The following TBC1D1 variants were observed in gnomAD, a reference collection of about 807,000 sequenced individuals.
The protein encoded by TBC1D1 is TBC1 domain family member 1.
In TBC1D1, 89 loss-of-function variants were observed where a neutral mutation model predicts 125.6. The observed-to-expected ratio is 0.71, with a 90% CI of 0.60 to 0.85. TBC1D1 has a LOEUF of 0.85. TBC1D1 is among the 40% of genes least tolerant of loss of function. TBC1D1 has a pLI of 0.00. For synonymous variants in TBC1D1, 565 were observed against 564.1 expected (o/e 1.00, Z -0.02); for missense variants, 1,377 against 1,469.2 (o/e 0.94, Z 1.03).
At chr4:38,126,748 C>T (rs1314398010) in intron 18 of TBC1D1, among the ~76,000 whole-genome samples, 2 of 152,056 alleles carry the variant, frequency 1.3e-5, no homozygotes, top group Non-Finnish European at 2.9e-5. Context: ...CAGTGCAGGC[C>T]GCACTCCTGA....
rs1207751391 is a variant in TBC1D1, at chr4:38,018,414, A to G, written c.943A>G (p.Asn315Asp). The change falls in exon 4 of 20, where the codon AAT becomes GAT. Residue 315 changes from asparagine (N) to aspartate (D), a missense_variant. Asn to Asp is a conservative substitution (Grantham distance 23, BLOSUM62 1). Transcript: ENST00000261439. ...CACCAAAAAAATAGCATTGGAGAAA[A>G]ATTTTAAGGAGATATCCTTTTGCTC... is the stretch of plus-strand genomic sequence containing the variant. 1 of 1,611,938 alleles carries G rather than the reference A, an allele frequency of 6.2e-7. No individual in the cohort carries two copies. Among genetic ancestry groups the G allele is most frequent in the Non-Finnish European group, 8.5e-7 (1 of 1,179,060 alleles).
At chr4:38,122,223 T>C (rs1763967267) in intron 17 of TBC1D1, among the ~76,000 whole-genome samples, 1 of 151,956 alleles carries the variant, frequency 6.6e-6, no homozygotes, top group African/African-American at 2.4e-5. Context: ...CTTGCAGGGG[T>C]CATACCCATA....
chr4:38,006,563 C>G (rs753665204), intron 2 of TBC1D1, among the ~76,000 whole-genome samples: 13 of 147,026 alleles, frequency 8.8e-5, no homozygotes, highest in African/African-American at 2.8e-4. Context: ...ACTGCAACCT[C>G]TGCCTTCCGG....
intron 15 of TBC1D1, chr4:38,111,840 A>T: frequency 1.4e-6 from 1 of 690,224 alleles, no homozygotes. Context: ...ACTGTGTTAC[A>T]AAGTCAGATG....
At chr4:38,056,002 C>T (rs1280462763) in intron 12 of TBC1D1, among the ~76,000 whole-genome samples, 2 of 152,170 alleles carry the variant, frequency 1.3e-5, no homozygotes, top group East Asian at 3.8e-4. Flanking sequence ...AATTTCTGCT[C>T]GGAAATGCTT....
intron 12 of TBC1D1, among the ~76,000 whole-genome samples, chr4:38,072,775 C>T (rs1754922715): frequency 2.0e-5 from 3 of 152,114 alleles, no homozygotes; most frequent in Non-Finnish European, 2.9e-5. Context: ...ACTCCTATTC[C>T]CCCTCTCCCA....
intron 2 of TBC1D1, among the ~76,000 whole-genome samples, chr4:38,002,360 T>C (rs1445883898): frequency 1.3e-5 from 2 of 152,244 alleles, no homozygotes; most frequent in African/African-American, 2.4e-5. Context: ...AAAAATCTTA[T>C]AATACAAAAG....
chr4:38,066,367 C>T (rs1753731369), intron 12 of TBC1D1, among the ~76,000 whole-genome samples: 1 of 150,982 alleles, frequency 6.6e-6, no homozygotes, highest in South Asian at 2.1e-4. Context: ...CTTGCTCTGT[C>T]ACCCAGGCTG....
At chr4:37,892,983 G>A (rs559201206) in intron 1 of TBC1D1, among the ~76,000 whole-genome samples, 3 of 152,284 alleles carry the variant, frequency 2.0e-5, no homozygotes, top group African/African-American at 7.2e-5. Flanking sequence ...TGGGCGGGTG[G>A]CTTTTTTGTG....
At chr4:37,994,391 G>A (rs1233529962) in intron 2 of TBC1D1, among the ~76,000 whole-genome samples, 1 of 152,178 alleles carries the variant, frequency 6.6e-6, no homozygotes, top group East Asian at 1.9e-4. Context: ...CCAGGCTCAA[G>A]TGATTCCCCT....
intron 2 of TBC1D1, among the ~76,000 whole-genome samples, chr4:37,955,196 G>A (rs1395791077): frequency 1.3e-5 from 2 of 152,070 alleles, no homozygotes; most frequent in Non-Finnish European, 2.9e-5. Flanking sequence ...ACTATAAAAA[G>A]TAAAAAAAGA....
At chr4:37,925,742 A>G (rs1446759844) in intron 2 of TBC1D1, among the ~76,000 whole-genome samples, 1 of 151,846 alleles carries the variant, frequency 6.6e-6, no homozygotes, top group Non-Finnish European at 1.5e-5. Context: ...ACAATTTGGA[A>G]AAAAATAGTA....
intron 12 of TBC1D1, among the ~76,000 whole-genome samples, chr4:38,057,665 A>G (rs35021061): frequency 0.13 from 19,966 of 152,326 alleles, 1,741 homozygotes; most frequent in East Asian, 0.36. Flanking sequence ...TAATATAATA[A>G]TAGCCACATA....
intron 2 of TBC1D1, among the ~76,000 whole-genome samples, chr4:37,966,416 G>A (rs965138415): frequency 2.0e-5 from 3 of 152,174 alleles, no homozygotes; most frequent in Non-Finnish European, 4.4e-5. Context: ...TCACTACTTA[G>A]AAGCGTTTAA....
intron 12 of TBC1D1, among the ~76,000 whole-genome samples, chr4:38,088,687 A>G (rs1481630232): frequency 6.6e-6 from 1 of 152,140 alleles, no homozygotes; most frequent in African/African-American, 2.4e-5. Context: ...CCCTGTTCTC[A>G]GTGGTTTATA....
chr4:37,921,976 A>G (rs1049811029), intron 2 of TBC1D1, among the ~76,000 whole-genome samples: 3 of 151,968 alleles, frequency 2.0e-5, no homozygotes, highest in African/African-American at 4.8e-5. Context: ...GCCTCAAGCT[A>G]TCCTCCCACC....
intron 17 of TBC1D1, among the ~76,000 whole-genome samples, chr4:38,124,156 G>A (rs1263334978): frequency 1.3e-5 from 2 of 152,106 alleles, no homozygotes; most frequent in Non-Finnish European, 2.9e-5. Flanking sequence ...TAGGTAACCT[G>A]CCTCAGTTTA....
intron 2 of TBC1D1, among the ~76,000 whole-genome samples, chr4:37,956,288 A>G (rs1728919325): frequency 6.6e-6 from 1 of 152,128 alleles, no homozygotes; most frequent in Admixed American, 6.5e-5. Context: ...CAAAGTGTTG[A>G]GACTACAGGC....
chr4:37,907,493 G>C (rs996758226), intron 2 of TBC1D1, among the ~76,000 whole-genome samples: 1 of 151,998 alleles, frequency 6.6e-6, no homozygotes, highest in South Asian at 2.1e-4. Context: ...CGATTCTCCT[G>C]CCTCAGCCTC....
Sources: allele counts gnomAD v4.1 joint callset (sites outside exome capture counted in the v4.1 genomes callset), GRCh38; gene constraint gnomAD v4.1.1; transcripts MANE v1.5; gene names NCBI Gene and HGNC (gene_info 2026-07-23, HGNC 2026-07-21).